CCDC93: variants seen among roughly 807,000 people sequenced by gnomAD.
The protein encoded by CCDC93 is coiled-coil domain-containing protein 93.
Under a neutral mutation model 108.2 loss-of-function variants are expected in CCDC93, and 61 were observed. The observed-to-expected ratio is 0.56, with a 90% CI of 0.46 to 0.70. The LOEUF (loss-of-function observed/expected upper bound fraction) is 0.70. Among genes scored for constraint, CCDC93 ranks in the 30% least tolerant of loss-of-function variants. The probability of loss-of-function intolerance (pLI) is 0.00; values close to 1 mark genes in which losing one functional copy is unlikely to be tolerated. For synonymous variants in CCDC93, 276 were observed against 260.4 expected (o/e 1.06, Z -0.58); for missense variants, 685 against 764.2 (o/e 0.90, Z 1.22).
intron 12 of CCDC93, among the ~76,000 whole-genome samples, chr2:117,956,068 G>A (rs1234286192): frequency 6.6e-6 from 1 of 152,130 alleles, no homozygotes; most frequent in Admixed American, 6.5e-5. Context: ...CACACACACA[G>A]AAACATGGAA....
intron 7 of CCDC93, chr2:117,985,480 C>A (rs1420714795): frequency 1.1e-6 from 1 of 946,970 alleles, no homozygotes; most frequent in Admixed American, 6.2e-5. Flanking sequence ...AGAAGCATGT[C>A]CTTGCACTTT....
At chr2:117,975,368 G>GA (rs1679909937) in intron 8 of CCDC93, 88 bp from the exon 9 acceptor site, 11 of 962,528 alleles carry the variant, frequency 1.1e-5, no homozygotes, top group South Asian at 4.2e-5. Context: ...ATGAGTCTGT[G>GA]AAAAAAACAC....
rs1242021609 is a variant in CCDC93, at chr2:117,918,192, C to A, written c.*2151G>T. 1 of 152,122 alleles carries A rather than the reference C, an allele frequency of 6.6e-6. No individual in the cohort carries two copies. The highest frequency in any genetic ancestry group is 1.5e-5 in the Non-Finnish European group (1 of 68,044). 9.4% of individuals were successfully genotyped at this position (152,122 alleles called of 1,614,324 possible). The stretch of plus-strand genomic sequence containing the variant: ...GTAACATCCTAATTACTCAGAAAGG[C>A]ACTGTCCACACTGAGAGTTGTCTGC... On this transcript the variant is annotated 3_prime_UTR_variant, in exon 24 of 24. Transcript: ENST00000376300.
intron 7 of CCDC93, among the ~76,000 whole-genome samples, chr2:117,985,731 TG>T (rs995468378): frequency 6.6e-6 from 1 of 152,128 alleles, no homozygotes; most frequent in African/African-American, 2.4e-5. Context: ...TGTAAATGCC[TG>T]GAACACCCCA....
chr2:117,946,823 A>T lies in CCDC93; in HGVS notation c.1284T>A (p.Arg428=), dbSNP rs774372673. 2.5e-6 allele frequency: 4 copies of T among 1,612,016 alleles called. No homozygotes were observed. In the South Asian group the frequency reaches 3.3e-5, roughly 13 times the overall value. Residue 428 remains arginine, a synonymous_variant, in exon 16 of 24, where the codon CGT becomes CGA. Transcript: ENST00000376300. ...TCAGAGCCTTTACCTTTTCATCTCC[A>T]CGTGGTGCTCTCTCAGCTTTCAGGT... ...IENLKAERAP[R]GDEKTLSSGE...
intron 6 of CCDC93, among the ~76,000 whole-genome samples, chr2:117,993,991 C>T (rs1420212344): frequency 6.6e-6 from 1 of 152,196 alleles, no homozygotes; most frequent in Non-Finnish European, 1.5e-5. Context: ...CTCAGCCTTC[C>T]AGTGTGCTGG....
intron 22 of CCDC93, among the ~76,000 whole-genome samples, chr2:117,935,292 T>G (rs12151840): frequency 0.37 from 55,678 of 152,078 alleles, 10,983 homozygotes; most frequent in African/African-American, 0.49. Context: ...CAGCAACTTT[T>G]GAACCCCTGG....
In CCDC93 at chr2:117,919,482, T is replaced by A. The variant is rs1677791896; in HGVS notation, c.*861A>T. On this transcript the variant is annotated 3_prime_UTR_variant, in exon 24 of 24. Coordinates refer to ENST00000376300, the MANE Select transcript of CCDC93 (RefSeq NM_019044.5). Reference sequence around the variant, plus strand: ...CCTTGAGTGCAGGGAACAGTGTCTATCTCTCTCCTGGCTCAGACCATGACC... The same window carrying A: ...CCTTGAGTGCAGGGAACAGTGTCTAACTCTCTCCTGGCTCAGACCATGACC... 6.6e-6 allele frequency: 1 copy of A among 152,160 alleles called. No homozygotes were observed. The highest frequency in any genetic ancestry group is 2.4e-5 in the African/African-American group (1 of 41,434). The allele number at this position is 152,160 out of a possible 1,614,324, so 9.4% of individuals were successfully genotyped here.
At chr2:117,976,413 C>G (rs1679945567) in intron 8 of CCDC93, among the ~76,000 whole-genome samples, 1 of 151,868 alleles carries the variant, frequency 6.6e-6, no homozygotes, top group South Asian at 2.1e-4. Flanking sequence ...ATCCAGAAAA[C>G]ACCCTGCTCT....
At chr2:117,926,486 A>G (rs1427082988) in intron 23 of CCDC93, among the ~76,000 whole-genome samples, 21 of 152,220 alleles carry the variant, frequency 1.4e-4, no homozygotes, top group Non-Finnish European at 2.8e-4. Context: ...GAATACTATA[A>G]ACACCTCTAC....
intron 7 of CCDC93, among the ~76,000 whole-genome samples, chr2:117,983,641 T>G (rs1445350228): frequency 4.9e-4 from 1 of 2,026 alleles, no homozygotes; most frequent in Non-Finnish European, 1.6e-3. Context: ...TATATATATA[T>G]ATATATATAT....
chr2:117,976,419 G>A (rs1679945797), intron 8 of CCDC93, among the ~76,000 whole-genome samples: 1 of 151,848 alleles, frequency 6.6e-6, no homozygotes, highest in Non-Finnish European at 1.5e-5. Flanking sequence ...AAAACACCCT[G>A]CTCTGTAGGA....
intron 12 of CCDC93, among the ~76,000 whole-genome samples, chr2:117,956,461 C>T (rs1573486763): frequency 6.6e-6 from 1 of 152,270 alleles, no homozygotes; most frequent in South Asian, 2.1e-4. Flanking sequence ...AATGTCCGTT[C>T]CTGCTGGGAT....
chr2:117,936,662 C>T (rs565832938), intron 21 of CCDC93, 40 bp downstream of exon 21: 21 of 1,559,010 alleles, frequency 1.3e-5, no homozygotes, highest in Admixed American at 5.0e-5. Flanking sequence ...AAGCGCAGGC[C>T]GGCAGGGTAT....
At chr2:118,012,438 A>T (rs1379958003) in intron 1 of CCDC93, 1 of 152,236 alleles carries the variant, frequency 6.6e-6, no homozygotes, top group Non-Finnish European at 1.5e-5. Context: ...GTTTAAACGA[A>T]GGACATACAG....
rs773883834 is a variant in CCDC93, at chr2:117,978,041, CA to C, written c.621-12del. ...CTAAATCCATATCTCCTGCAGGCCA[CA>C]AAAAAGGAGTTTAATTACTACTTAA... is the stretch of plus-strand genomic sequence containing the variant. On this transcript the variant is annotated splice_polypyrimidine_tract_variant and intron_variant, in intron 7 of 23. Transcript: ENST00000376300. The C allele has an allele frequency of 3.1e-6, 5 of 1,611,434 alleles. No homozygotes were observed. The African/African-American group carries it at 6.7e-5, about 22-fold the overall frequency.
At chr2:117,983,561 T>A (rs1337019327) in intron 7 of CCDC93, among the ~76,000 whole-genome samples, 1 of 139,538 alleles carries the variant, frequency 7.2e-6, no homozygotes, top group Non-Finnish European at 1.6e-5. Flanking sequence ...ATGATTATAA[T>A]AAGGAGAATG....
At chr2:118,004,300 T>C (rs1676798589) in intron 3 of CCDC93, among the ~76,000 whole-genome samples, 2 of 152,136 alleles carry the variant, frequency 1.3e-5, no homozygotes, top group Admixed American at 1.3e-4. Context: ...AAATGTAAAA[T>C]CCCATTTATG....
intron 20 of CCDC93, among the ~76,000 whole-genome samples, chr2:117,938,754 C>T (rs984311219): frequency 6.6e-6 from 1 of 152,140 alleles, no homozygotes; most frequent in Non-Finnish European, 1.5e-5. Context: ...CTAGTCTCAC[C>T]AACTCCAGAG....
Sources: allele counts gnomAD v4.1 joint callset (sites outside exome capture counted in the v4.1 genomes callset), GRCh38; gene constraint gnomAD v4.1.1; transcripts MANE v1.5; gene names NCBI Gene and HGNC (gene_info 2026-07-23, HGNC 2026-07-21).